The following WDPCP variants were observed in gnomAD, a reference collection of about 807,000 sequenced individuals.
The protein encoded by WDPCP is WD repeat containing planar cell polarity effector, also known as WD repeat-containing and planar cell polarity effector protein fritz homolog.
In WDPCP, 71 loss-of-function variants were observed where a neutral mutation model predicts 93.1. The ratio of observed to expected loss-of-function variants is 0.76; its 90% CI spans 0.63 to 0.93. The LOEUF (loss-of-function observed/expected upper bound fraction) is 0.93, where lower values mean the gene tolerates loss of function less well. Among genes scored for constraint, WDPCP ranks in the 40% least tolerant of loss-of-function variants. The probability of loss-of-function intolerance (pLI) is 0.00; values close to 1 mark genes in which losing one functional copy is unlikely to be tolerated. For synonymous variants in WDPCP, 315 were observed against 315.0 expected, an observed-to-expected ratio of 1.00 and a Z score of 0.00; for missense variants, 844 against 887.4, an observed-to-expected ratio of 0.95 and a Z score of 0.62.
intron 11 of WDPCP, among the ~76,000 whole-genome samples, chr2:63,379,783 A>C (rs748225556): frequency 6.6e-6 from 1 of 152,194 alleles, no homozygotes; most frequent in African/African-American, 2.4e-5. Context: ...TACCACGTCA[A>C]ATTTGTTAGA....
At chr2:63,363,151 C>T (rs1475473559) in intron 12 of WDPCP, among the ~76,000 whole-genome samples, 1 of 151,714 alleles carries the variant, frequency 6.6e-6, no homozygotes, top group African/African-American at 2.4e-5. Flanking sequence ...ACAAGAAGCA[C>T]AAAGATGGAA....
chr2:63,483,238 T>A (rs1202049374), intron 6 of WDPCP, among the ~76,000 whole-genome samples: 1 of 151,910 alleles, frequency 6.6e-6, no homozygotes, highest in Non-Finnish European at 1.5e-5. Context: ...AGCCTGTTTT[T>A]AACGTGAGTA....
chr2:63,197,125 C>T (rs1227148595), intron 14 of WDPCP, among the ~76,000 whole-genome samples: 1 of 152,164 alleles, frequency 6.6e-6, no homozygotes, highest in Admixed American at 6.5e-5. Context: ...CTGCCTCTGC[C>T]ACCCCAAGAC....
chr2:63,602,999 G>A (rs1175746264), intron 3 of WDPCP, among the ~76,000 whole-genome samples: 7 of 144,308 alleles, frequency 4.9e-5, no homozygotes, highest in East Asian at 3.9e-4. Context: ...TCGCCCTGTC[G>A]CCTAGGCTGG....
At chr2:63,535,837 G>A (rs893740391) in intron 1 of WDPCP, among the ~76,000 whole-genome samples, 5 of 152,236 alleles carry the variant, frequency 3.3e-5, no homozygotes, top group Admixed American at 3.3e-4. Context: ...AAAAGCAATG[G>A]CAACAAAAGC....
intron 17 of WDPCP, among the ~76,000 whole-genome samples, chr2:63,139,552 T>A (rs1435364422): frequency 6.6e-6 from 1 of 152,194 alleles, no homozygotes; most frequent in Admixed American, 6.5e-5. Flanking sequence ...TGGTTTTGAT[T>A]TGTATTTCCC....
intron 10 of WDPCP, among the ~76,000 whole-genome samples, chr2:63,402,155 T>C (rs560512023): frequency 3.9e-5 from 6 of 152,326 alleles, no homozygotes; most frequent in African/African-American, 7.2e-5. Context: ...AATGAGATCA[T>C]GTCCTTTGCC....
chr2:63,177,571 A>G (rs892630788), intron 14 of WDPCP, among the ~76,000 whole-genome samples: 61 of 152,158 alleles, frequency 4.0e-4, no homozygotes, highest in Admixed American at 6.5e-5. Flanking sequence ...GAATTTTTGT[A>G]TGTTGACTTG....
At chr2:63,773,032 A>C (rs1465887189) in intron 2 of WDPCP, among the ~76,000 whole-genome samples, 1 of 152,068 alleles carries the variant, frequency 6.6e-6, no homozygotes, top group Non-Finnish European at 1.5e-5. Context: ...TCATATATGT[A>C]CAAAATCCAA....
intron 12 of WDPCP, among the ~76,000 whole-genome samples, chr2:63,348,355 C>T (rs1324281565): frequency 2.6e-5 from 4 of 152,142 alleles, no homozygotes; most frequent in African/African-American, 9.7e-5. Flanking sequence ...AGTGCTATAG[C>T]AGAGCTGTCA....
intron 15 of WDPCP, among the ~76,000 whole-genome samples, chr2:63,167,748 A>G (rs978324243): frequency 1.8e-4 from 27 of 152,228 alleles, no homozygotes; most frequent in Non-Finnish European, 3.5e-4. Flanking sequence ...ATGAATATTC[A>G]TAATATCTAC....
At chr2:63,296,845 A>G (rs938681076) in intron 13 of WDPCP, among the ~76,000 whole-genome samples, 2 of 152,240 alleles carry the variant, frequency 1.3e-5, no homozygotes, top group African/African-American at 4.8e-5. Flanking sequence ...AAAAATCAGT[A>G]TTGTTAAAAT....
intron 2 of WDPCP, among the ~76,000 whole-genome samples, chr2:63,789,717 CTCTT>C (rs1293156748): frequency 6.6e-6 from 1 of 152,162 alleles, no homozygotes; most frequent in Non-Finnish European, 1.5e-5. Flanking sequence ...TGAAAAGAAA[CTCTT>C]TCTGTCTCCA....
At chr2:63,710,832 A>G (rs764186804) in intron 2 of WDPCP, among the ~76,000 whole-genome samples, 3 of 152,064 alleles carry the variant, frequency 2.0e-5, no homozygotes, top group Non-Finnish European at 4.4e-5. Flanking sequence ...ATAAACTAAA[A>G]CTATGGACTG....
intron 9 of WDPCP, among the ~76,000 whole-genome samples, chr2:63,407,416 T>C (rs984866476): frequency 6.6e-6 from 1 of 152,200 alleles, no homozygotes; most frequent in Non-Finnish European, 1.5e-5. Flanking sequence ...GATGAGAGGC[T>C]GTAAGTTCTG....
chr2:63,554,118 T>C (rs970292353), intron 1 of WDPCP, among the ~76,000 whole-genome samples: 1 of 152,240 alleles, frequency 6.6e-6, no homozygotes, highest in Non-Finnish European at 1.5e-5. Context: ...ATTTCACTGT[T>C]ATGTCTCTTT....
intron 14 of WDPCP, among the ~76,000 whole-genome samples, chr2:63,253,268 T>C (rs965136037): frequency 2.0e-5 from 3 of 152,126 alleles, no homozygotes; most frequent in African/African-American, 7.2e-5. Flanking sequence ...TATGACCTCA[T>C]ACCATATAAG....
chr2:63,142,923 T>TAC (rs1242494155), intron 17 of WDPCP, among the ~76,000 whole-genome samples: 3,592 of 105,710 alleles, frequency 0.034, 110 homozygotes, highest in African/African-American at 0.1. Context: ...CACATACATA[T>TAC]ACACACACAC....
chr2:63,586,466 A>G (rs1481620933), intron 1 of WDPCP, among the ~76,000 whole-genome samples: 3 of 152,236 alleles, frequency 2.0e-5, no homozygotes, highest in Non-Finnish European at 4.4e-5. Flanking sequence ...TGAAAGTGCA[A>G]TGACATATTG....
Sources: gnomAD v4.1 joint callset for allele counts (sites outside exome capture counted in the v4.1 genomes callset) on GRCh38, gnomAD v4.1.1 for gene constraint, MANE v1.5 for transcripts, NCBI Gene and HGNC (gene_info 2026-07-23, HGNC 2026-07-21) for gene names.